RXRA: variants seen among roughly 807,000 people sequenced by gnomAD.
RXRA encodes the protein retinoic acid receptor RXR-alpha.
In RXRA, 5 loss-of-function variants were observed where a neutral mutation model predicts 44.5. The observed-to-expected ratio is 0.11, with a 90% CI of 0.06 to 0.24. RXRA has a LOEUF of 0.24. Among genes scored for constraint, RXRA ranks in the 10% least tolerant of loss-of-function variants. The pLI, the probability that RXRA is intolerant of heterozygous loss-of-function variation, is 1.00. For missense variants in RXRA, 412 were observed against 646.5 expected, an observed-to-expected ratio of 0.64 and a Z score of 3.93; for synonymous variants, 291 against 271.4, an observed-to-expected ratio of 1.07 and a Z score of -0.71.
chr9:134,369,713 C>T (rs546202305), intron 1 of RXRA, among the ~76,000 whole-genome samples: 4 of 151,990 alleles, frequency 2.6e-5, no homozygotes, highest in South Asian at 2.1e-4. Flanking sequence ...GTGGCCTTGG[C>T]GTGTTGAGGC....
chr9:134,425,025 G>C, intron 6 of RXRA: 1 of 985,448 alleles, frequency 1.0e-6, no homozygotes, highest in Non-Finnish European at 1.2e-6. Flanking sequence ...ATGGGAATGG[G>C]TGCCCAGACC....
intron 1 of RXRA, among the ~76,000 whole-genome samples, chr9:134,397,502 C>A (rs1282348507): frequency 6.6e-6 from 1 of 152,096 alleles, no homozygotes; most frequent in Non-Finnish European, 1.5e-5. Context: ...AGGGAGTGAT[C>A]ACTCCACCAC....
In RXRA at chr9:134,440,143, C is replaced by G. The variant is rs1588316962; in HGVS notation, c.*3529C>G. 1 of 152,056 alleles carries G rather than the reference C, an allele frequency of 6.6e-6. No homozygotes were observed. The allele number at this position is 152,056 out of a possible 1,614,324, so 9.4% of individuals were successfully genotyped here. A position where few individuals can be genotyped will look rare whatever the true frequency, so the allele number is the denominator to read the frequency against. On this transcript the variant is annotated 3_prime_UTR_variant, in exon 10 of 10. Coordinates refer to ENST00000481739, the MANE Select transcript of RXRA (RefSeq NM_002957.6). ...AATGTAATTTTATCCCTCATGTATACTTGGATATGGCGGGGGGAGGGCTGG... is the reference window on the plus strand; with the variant it reads ...AATGTAATTTTATCCCTCATGTATAGTTGGATATGGCGGGGGGAGGGCTGG...
chr9:134,365,668 T>C lies in RXRA; in HGVS notation c.29-35964T>C, dbSNP rs557421630. 3.9e-5 allele frequency among the ~76,000 whole-genome samples: 6 copies of C among 151,954 alleles called. No individual in the cohort carries two copies. Among genetic ancestry groups the C allele is most frequent in the East Asian group, 1.9e-4 (1 of 5,140 alleles). The stretch of plus-strand genomic sequence containing the variant: ...TGGGCGGGGACAGTGGGGATGAGTT[T>C]CAGGTCTGTTCTTGGTGGCTGTTAA... On this transcript the variant is annotated intron_variant, in intron 1 of 9. Coordinates refer to ENST00000481739, the MANE Select transcript of RXRA (RefSeq NM_002957.6). This position sits in a 1 kb window ranked among gnomAD's most constrained non-coding sequence, Gnocchi z 4.0.
intron 6 of RXRA, among the ~76,000 whole-genome samples, chr9:134,428,794 G>A (rs1831479555): frequency 6.6e-6 from 1 of 152,230 alleles, no homozygotes; most frequent in African/African-American, 2.4e-5. Flanking sequence ...TCTCCCACGT[G>A]CTCCGTGGCA....
chr9:134,391,165 C>A (rs1462536933), intron 1 of RXRA, among the ~76,000 whole-genome samples: 1 of 152,174 alleles, frequency 6.6e-6, no homozygotes, highest in African/African-American at 2.4e-5. Context: ...CCAGGACATG[C>A]CTGGGGGAGC....
chr9:134,428,177 C>G (rs930390647), intron 6 of RXRA, among the ~76,000 whole-genome samples: 1 of 151,746 alleles, frequency 6.6e-6, no homozygotes, highest in Non-Finnish European at 1.5e-5. Context: ...CCCCAGGGAA[C>G]CCCCACTATG....
chr9:134,398,210 C>G (rs1044145732), intron 1 of RXRA, among the ~76,000 whole-genome samples: 11 of 152,142 alleles, frequency 7.2e-5, no homozygotes, highest in African/African-American at 2.7e-4. Context: ...GAATTCCTGA[C>G]CTCAGGTGAT....
Position 134,343,186 on chromosome 9 carries a change from G to A in RXRA, c.28+16527G>A, listed in dbSNP as rs1355993036. On this transcript the variant is annotated intron_variant, in intron 1 of 9. Coordinates refer to ENST00000481739, the MANE Select transcript of RXRA (RefSeq NM_002957.6). This position sits in a 1 kb window ranked among gnomAD's most constrained non-coding sequence, Gnocchi z 4.1. ...AGACCTTTTACATGCTGTGTGACCT[G>A]GGGCAGCGTGTCTCTCTCTCTGAGT... Among the ~76,000 whole-genome samples, 1 of 152,184 alleles carries A rather than the reference G, an allele frequency of 6.6e-6. No homozygotes were observed. The highest frequency in any genetic ancestry group is 1.5e-5 in the Non-Finnish European group (1 of 68,026).
chr9:134,354,373 C>T (rs1172391225), intron 1 of RXRA, among the ~76,000 whole-genome samples: 1 of 152,240 alleles, frequency 6.6e-6, no homozygotes, highest in Non-Finnish European at 1.5e-5. Context: ...CTGGGTCCCC[C>T]TCCTTGGACA....
chr9:134,394,554 T>TG (rs1830850477), intron 1 of RXRA, among the ~76,000 whole-genome samples: 1 of 152,106 alleles, frequency 6.6e-6, no homozygotes, highest in African/African-American at 2.4e-5. Context: ...CGGAGGTCTC[T>TG]GGGGGAGGCC....
Position 134,409,002 on chromosome 9 carries a change from A to G in RXRA, c.493A>G (p.Lys165Glu). Residue 165 changes from lysine (K) to glutamate (E), a missense_variant, in exon 4 of 10, where the codon AAG becomes GAG. Physicochemically the swap from Lys to Glu is moderately conservative, Grantham distance 56 (BLOSUM62 1). This residue lies in a region of RXRA where 48 missense variants were observed against 119.9 expected (regional missense o/e 0.40). Coordinates refer to ENST00000481739, the MANE Select transcript of RXRA (RefSeq NM_002957.6). ...CKGFFKRTVR[K>E]DLTYTCRDNK... is the part of the protein sequence containing the mutation. ...GGGCTTCTTCAAGCGGACGGTGCGC[A>G]AGGACCTGACCTACACCTGCCGCGA... The G allele has an allele frequency of 6.2e-7, 1 of 1,610,702 alleles. No homozygotes were observed. Among genetic ancestry groups the G allele is most frequent in the South Asian group, 1.1e-5 (1 of 90,774 alleles).
intron 6 of RXRA, chr9:134,424,815 T>A (rs1588305534): frequency 1.0e-6 from 1 of 985,462 alleles, no homozygotes; most frequent in Non-Finnish European, 1.2e-6. Flanking sequence ...TCAGGATCCA[T>A]GGCTGTAGCC....
chr9:134,436,753 G>A lies in RXRA; in HGVS notation c.*139G>A. ...TTGGGGCACAGCCTGTCACTGCTCT[G>A]CCTAAGAGATGTGTTGTCACCCTCC... On this transcript the variant is annotated 3_prime_UTR_variant, in exon 10 of 10. Transcript: ENST00000481739. 2.2e-6 allele frequency: 2 copies of A among 894,104 alleles called. No individual in the cohort carries two copies. The highest frequency in any genetic ancestry group is 3.4e-6 in the Non-Finnish European group (2 of 589,880). 55.4% of individuals were successfully genotyped at this position (894,104 alleles called of 1,614,324 possible). A position where few individuals can be genotyped will look rare whatever the true frequency, so the allele number is the denominator to read the frequency against.
intron 1 of RXRA, among the ~76,000 whole-genome samples, chr9:134,331,590 A>C (rs966128728): frequency 2.0e-5 from 3 of 151,860 alleles, no homozygotes; most frequent in East Asian, 1.9e-4. Context: ...AATCTCCCCA[A>C]CTTGTCCAGG....
At chr9:134,386,272 G>A (rs1393861453) in intron 1 of RXRA, among the ~76,000 whole-genome samples, 1 of 152,262 alleles carries the variant, frequency 6.6e-6, no homozygotes, top group African/African-American at 2.4e-5. Context: ...GCCAGCGGCC[G>A]ATGGGGCCGC....
At chr9:134,425,158 G>T in intron 6 of RXRA, 1 of 985,422 alleles carries the variant, frequency 1.0e-6, no homozygotes, top group Middle Eastern at 5.2e-4. Flanking sequence ...AGTGGCCACA[G>T]CCCTGCAGGG....
chr9:134,379,258 C>T lies in RXRA; in HGVS notation c.29-22374C>T, dbSNP rs867486576. 1.8e-5 allele frequency: 18 copies of T among 985,262 alleles called. No homozygotes were observed. In the African/African-American group the frequency reaches 2.3e-4, roughly 12 times the overall value. The allele number at this position is 985,262 out of a possible 1,614,324, so 61.0% of individuals were successfully genotyped here. On this transcript the variant is annotated intron_variant, in intron 1 of 9. Transcript: ENST00000481739. ...CTGTGGGCTCCCTGAGGGCGGGGCT[C>T]GGGCCTGCCCCATCAGCAACAGCTG...
rs576234099 is a variant in RXRA, at chr9:134,405,332, C to G, written c.280-2817C>G. 2.6e-3 allele frequency: 396 copies of G among 152,456 alleles called. 2 individuals carry two copies. The highest frequency in any genetic ancestry group is 9.1e-3 in the African/African-American group (380 of 41,590). 9.4% of individuals were successfully genotyped at this position (152,456 alleles called of 1,614,324 possible). ...TGCAGCCTGGATGGGCACCTCAGCCCGGGCTCCACTCTTCTCAGATGTGCA... is the reference window on the plus strand; with the variant it reads ...TGCAGCCTGGATGGGCACCTCAGCCGGGGCTCCACTCTTCTCAGATGTGCA... On this transcript the variant is annotated intron_variant, in intron 2 of 9. Transcript: ENST00000481739.
Sources: allele counts gnomAD v4.1 joint callset (sites outside exome capture counted in the v4.1 genomes callset), GRCh38; gene constraint gnomAD v4.1.1; regional missense constraint gnomAD v4.1.1; non-coding constraint Gnocchi (gnomAD v3.1); transcripts MANE v1.5; gene names NCBI Gene and HGNC (gene_info 2026-07-23, HGNC 2026-07-21).